The following SANBR variants were observed in gnomAD, a reference collection of about 807,000 sequenced individuals.
SANBR encodes the protein SANT and BTB domain regulator of class switch recombination.
Under a neutral mutation model 101.8 loss-of-function variants are expected in SANBR, and 77 were observed. That is an observed-to-expected ratio of 0.76 (90% confidence interval 0.63 to 0.91). SANBR has a LOEUF of 0.91. Among genes scored for constraint, SANBR ranks in the 40% least tolerant of loss-of-function variants. The probability of loss-of-function intolerance (pLI) is 0.00; values close to 1 mark genes in which losing one functional copy is unlikely to be tolerated. For synonymous variants in SANBR, 279 were observed against 274.7 expected (o/e 1.02, Z -0.15); for missense variants, 875 against 853.0 (o/e 1.03, Z -0.32).
chr2:61,078,900 G>C (rs994369846), intron 6 of SANBR, among the ~76,000 whole-genome samples: 1 of 151,844 alleles, frequency 6.6e-6, no homozygotes, highest in Non-Finnish European at 1.5e-5. Flanking sequence ...TTAGCTGGGC[G>C]TGGTGGCACC....
intron 1 of SANBR, among the ~76,000 whole-genome samples, chr2:61,067,504 G>C (rs1358268772): frequency 2.0e-5 from 3 of 152,118 alleles, no homozygotes; most frequent in African/African-American, 7.2e-5. Context: ...TTGGGAGGCC[G>C]AGACGGGCGG....
At chr2:61,134,637 G>A (rs1417117142) in intron 21 of SANBR, among the ~76,000 whole-genome samples, 1 of 152,224 alleles carries the variant, frequency 6.6e-6, no homozygotes, top group African/African-American at 2.4e-5. Context: ...GCTCACGCCT[G>A]TAGTCCCAGC....
intron 10 of SANBR, among the ~76,000 whole-genome samples, chr2:61,091,167 A>T (rs1186493424): frequency 2.6e-5 from 4 of 152,140 alleles, no homozygotes; most frequent in Non-Finnish European, 5.9e-5. Context: ...TGAAATAAAG[A>T]CTTAAAAGAA....
rs114973254 is a variant in SANBR, at chr2:61,071,826, T to G, written c.337+34T>G. The stretch of plus-strand genomic sequence containing the variant: ...TTAAACTAAAATGTAGTACTTGCCC[T>G]TATGAAAATTCTGCAGAATATTATA... On this transcript the variant is annotated intron_variant, in intron 4 of 21. Transcript: ENST00000402291. 2.8e-3 allele frequency: 3,865 copies of G among 1,370,384 alleles called. 90 individuals carry two copies. The African/African-American group carries it at 0.051, about 18-fold the overall frequency. 84.9% of individuals were successfully genotyped at this position (1,370,384 alleles called of 1,614,324 possible). A position where few individuals can be genotyped will look rare whatever the true frequency, so the allele number is the denominator to read the frequency against.
chr2:61,073,591 A>G lies in SANBR; in HGVS notation c.431+40A>G, dbSNP rs369275822. 7 of 1,111,856 alleles carry G rather than the reference A, an allele frequency of 6.3e-6. No individual in the cohort carries two copies. The African/African-American group carries it at 1.1e-4, about 18-fold the overall frequency. 68.9% of individuals were successfully genotyped at this position (1,111,856 alleles called of 1,614,324 possible). On this transcript the variant is annotated intron_variant, in intron 5 of 21. Transcript: ENST00000402291. ...GTTTGCTAGATAAGATTAAATATTA[A>G]TATCAACTTCATAAAATATATGATT...
chr2:61,097,557 T>G (rs1033662562), intron 11 of SANBR, 143 bp from the exon 12 acceptor site: 10 of 552,310 alleles, frequency 1.8e-5, no homozygotes, highest in Non-Finnish European at 2.8e-5. Context: ...TGGCAACCAC[T>G]AATCTACTTT....
In SANBR at chr2:61,118,111, AAAG is replaced by A. The variant is rs1553437267; in HGVS notation, c.2027_2028+1del. 1 of 1,609,798 alleles carries A rather than the reference AAAG, an allele frequency of 6.2e-7. No individual in the cohort carries two copies. The highest frequency in any genetic ancestry group is 8.5e-7 in the Non-Finnish European group (1 of 1,176,778). On this transcript the variant is annotated inframe_deletion and splice_region_variant, in exon 20 of 22. Coordinates refer to ENST00000402291, the MANE Select transcript of SANBR (RefSeq NM_001129993.3). ...GGACCGAGTCAAGTCAAAGGAAGCA[AAAG>A]AAGTAAGAATTGTGTACTAGTGTAT... is the stretch of plus-strand genomic sequence containing the variant.
intron 11 of SANBR, among the ~76,000 whole-genome samples, chr2:61,093,787 A>C (rs1259733216): frequency 6.6e-6 from 1 of 152,142 alleles, no homozygotes; most frequent in East Asian, 1.9e-4. Flanking sequence ...CTTTGTTGTT[A>C]CAACAATTTT....
At chr2:61,087,444 A>C (rs1682495857) in intron 8 of SANBR, among the ~76,000 whole-genome samples, 1 of 151,578 alleles carries the variant, frequency 6.6e-6, no homozygotes, top group South Asian at 2.1e-4. Context: ...CAGTAGTCCT[A>C]GCTACTTGGG....
At chr2:61,112,764 A>C (rs55792497) in intron 16 of SANBR, among the ~76,000 whole-genome samples, 14,999 of 152,294 alleles carry the variant, frequency 0.098, 1,057 homozygotes, top group Non-Finnish European at 0.15. Context: ...AACTGCTGGG[A>C]TTACAGGCAT....
At chr2:61,075,586 AAGG>A (rs1266298429) in intron 5 of SANBR, among the ~76,000 whole-genome samples, 1 of 152,192 alleles carries the variant, frequency 6.6e-6, no homozygotes, top group Admixed American at 6.5e-5. Flanking sequence ...AAGTAAATTC[AAGG>A]AGATTATAAT....
intron 10 of SANBR, 141 bp from the exon 11 acceptor site, chr2:61,092,323 A>G: frequency 4.3e-6 from 2 of 469,046 alleles, no homozygotes; most frequent in Non-Finnish European, 6.7e-6. Flanking sequence ...GGTGGTGGTT[A>G]CAGTGAGCCA....
At chr2:61,073,372 C>T (rs894986305) in intron 4 of SANBR, 86 bp from the exon 5 acceptor site, 1 of 566,052 alleles carries the variant, frequency 1.8e-6, no homozygotes, top group South Asian at 3.3e-5. Context: ...TACAGTATTA[C>T]CATTCAATAA....
intron 12 of SANBR, among the ~76,000 whole-genome samples, chr2:61,102,669 C>T (rs1214580539): frequency 1.3e-5 from 2 of 151,864 alleles, no homozygotes; most frequent in Non-Finnish European, 2.9e-5. Context: ...TCCTGAGTAG[C>T]TGGATTACAG....
intron 21 of SANBR, chr2:61,134,354 C>G: frequency 1.4e-6 from 2 of 1,404,328 alleles, no homozygotes; most frequent in African/African-American, 2.9e-5. Context: ...GTGCTTATTC[C>G]CATTTTTGGC....
intron 10 of SANBR, among the ~76,000 whole-genome samples, chr2:61,091,531 G>A (rs1682757024): frequency 6.6e-6 from 1 of 151,562 alleles, no homozygotes; most frequent in Middle Eastern, 3.2e-3. Flanking sequence ...CAGGGCAGAG[G>A]TTGCAGTGAG....
chr2:61,122,254 C>T lies in SANBR; in HGVS notation c.*92C>T. 1 of 1,440,674 alleles carries T rather than the reference C, an allele frequency of 6.9e-7. No individual in the cohort carries two copies. The highest frequency in any genetic ancestry group is 9.2e-7 in the Non-Finnish European group (1 of 1,086,992). The allele number at this position is 1,440,674 out of a possible 1,614,324, so 89.2% of individuals were successfully genotyped here. On this transcript the variant is annotated 3_prime_UTR_variant, in exon 22 of 22. Transcript: ENST00000402291. Reference sequence around the variant, plus strand: ...TGAAGATCTTCAGAACAATGACTTCCAACTGTTTTATGTTATTATTATTTT... The same window carrying T: ...TGAAGATCTTCAGAACAATGACTTCTAACTGTTTTATGTTATTATTATTTT...
chr2:61,083,719 A>G (rs1226639969), intron 8 of SANBR, among the ~76,000 whole-genome samples: 1 of 151,982 alleles, frequency 6.6e-6, no homozygotes, highest in Non-Finnish European at 1.5e-5. Flanking sequence ...AATACAAAAA[A>G]TTAGCCAGGT....
intron 1 of SANBR, among the ~76,000 whole-genome samples, 178 bp from the exon 2 acceptor site, chr2:61,068,671 G>GT (rs1240371468): frequency 6.6e-6 from 1 of 152,148 alleles, no homozygotes; most frequent in African/African-American, 2.4e-5. Flanking sequence ...TCATTGGAAT[G>GT]TTACTGTCTC....
Sources: allele counts gnomAD v4.1 joint callset (sites outside exome capture counted in the v4.1 genomes callset), GRCh38; gene constraint gnomAD v4.1.1; transcripts MANE v1.5; gene names NCBI Gene and HGNC (gene_info 2026-07-23, HGNC 2026-07-21).